The following COBL variants were observed in gnomAD, a reference collection of about 807,000 sequenced individuals.
The protein encoded by COBL is protein cordon-bleu.
A neutral mutation model predicts 98.8 loss-of-function variants in COBL; 51 were observed. The observed-to-expected ratio is 0.52, with a 90% CI of 0.41 to 0.65. COBL has a LOEUF of 0.65. COBL is among the 30% of genes least tolerant of loss of function. COBL has a pLI of 0.00. For missense variants in COBL, 1,617 were observed against 1,617.5 expected, an observed-to-expected ratio of 1.00 and a Z score of 0.01; for synonymous variants, 634 against 651.7, an observed-to-expected ratio of 0.97 and a Z score of 0.41.
chr7:51,163,868 G>C (rs921876033), intron 5 of COBL, among the ~76,000 whole-genome samples: 26 of 152,152 alleles, frequency 1.7e-4, no homozygotes, highest in African/African-American at 6.0e-4. Context: ...TCTAAAACTA[G>C]GATTTCTGTG....
At chr7:51,301,091 C>T (rs748536513) in intron 1 of COBL, among the ~76,000 whole-genome samples, 1 of 152,110 alleles carries the variant, frequency 6.6e-6, no homozygotes, top group Non-Finnish European at 1.5e-5. Context: ...GGAGTGAGTG[C>T]GGTGGGATAC....
intron 6 of COBL, among the ~76,000 whole-genome samples, chr7:51,133,229 T>G (rs1156895830): frequency 6.6e-6 from 1 of 152,156 alleles, no homozygotes; most frequent in African/African-American, 2.4e-5. Flanking sequence ...CAGATGAGGG[T>G]TCCCTGGGTC....
At chr7:51,020,198 G>A (rs1270060285) in intron 12 of COBL, among the ~76,000 whole-genome samples, 1 of 152,192 alleles carries the variant, frequency 6.6e-6, no homozygotes, top group African/African-American at 2.4e-5. Context: ...TATGATGTCT[G>A]TGCCCCATTT....
chr7:51,054,094 T>C (rs1035816445), intron 7 of COBL, among the ~76,000 whole-genome samples: 4 of 152,112 alleles, frequency 2.6e-5, no homozygotes, highest in African/African-American at 9.7e-5. Flanking sequence ...GGCAGAAGAA[T>C]TGCTTGAACC....
chr7:51,103,934 C>T (rs558861779), intron 6 of COBL, among the ~76,000 whole-genome samples: 1 of 152,362 alleles, frequency 6.6e-6, no homozygotes, highest in South Asian at 2.1e-4. Flanking sequence ...TCAACCCAGG[C>T]CTTGGCGGCC....
intron 12 of COBL, among the ~76,000 whole-genome samples, chr7:51,024,697 G>C (rs1787337828): frequency 6.7e-6 from 1 of 149,694 alleles, no homozygotes; most frequent in South Asian, 2.2e-4. Flanking sequence ...GAATGAATAA[G>C]ACTGGCGGCT....
At chr7:51,107,698 G>T (rs1057508580) in intron 6 of COBL, among the ~76,000 whole-genome samples, 2 of 151,998 alleles carry the variant, frequency 1.3e-5, no homozygotes, top group Admixed American at 1.3e-4. Context: ...TCACCTCTCC[G>T]TACCCGGGCT....
chr7:51,030,729 T>C (rs2128874320), intron 9 of COBL, 83 bp downstream of exon 9: 1 of 892,862 alleles, frequency 1.1e-6, no homozygotes, highest in Middle Eastern at 2.3e-4. Flanking sequence ...CATAGATACA[T>C]CAAAGTATGC....
intron 7 of COBL, chr7:51,064,466 A>G (rs940366524): frequency 6.6e-6 from 1 of 152,178 alleles, no homozygotes; most frequent in Non-Finnish European, 1.5e-5. Context: ...TCCACTGACA[A>G]TGGATGGATA....
intron 1 of COBL, among the ~76,000 whole-genome samples, chr7:51,252,129 G>A (rs1163568479): frequency 6.6e-6 from 1 of 151,742 alleles, no homozygotes; most frequent in South Asian, 2.1e-4. Context: ...TTCATTATTA[G>A]ATCTCTTTAG....
intron 1 of COBL, among the ~76,000 whole-genome samples, chr7:51,299,366 A>T (rs1801708761): frequency 6.6e-6 from 1 of 152,258 alleles, no homozygotes; most frequent in East Asian, 1.9e-4. Context: ...AGAACAGAAA[A>T]GAAGGTAAAT....
At chr7:51,026,687 A>G (rs1250015755) in intron 10 of COBL, 22 bp from the exon 11 acceptor site, 3 of 1,607,134 alleles carry the variant, frequency 1.9e-6, no homozygotes, top group South Asian at 1.1e-5. Flanking sequence ...ACAGTGTCAC[A>G]CATTTCACTG....
intron 5 of COBL, among the ~76,000 whole-genome samples, chr7:51,150,769 C>T (rs1327596406): frequency 1.3e-5 from 2 of 152,152 alleles, no homozygotes; most frequent in East Asian, 3.9e-4. Flanking sequence ...CCACAGGCTG[C>T]ACAACTCAAA....
intron 12 of COBL, among the ~76,000 whole-genome samples, chr7:51,018,885 C>T (rs1786570352): frequency 4.7e-5 from 2 of 42,898 alleles, no homozygotes; most frequent in Non-Finnish European, 1.0e-4. Context: ...GAGAGAAACT[C>T]CATCTCAAAA....
chr7:51,208,144 C>T (rs569129273), intron 2 of COBL, among the ~76,000 whole-genome samples: 26 of 150,472 alleles, frequency 1.7e-4, no homozygotes, highest in Admixed American at 1.4e-3. Context: ...AGGTGAGGAG[C>T]GTCTCTGCCT....
At chr7:51,061,465 G>C (rs1791353392) in intron 7 of COBL, among the ~76,000 whole-genome samples, 1 of 152,132 alleles carries the variant, frequency 6.6e-6, no homozygotes, top group Non-Finnish European at 1.5e-5. Flanking sequence ...CAGGACAGCA[G>C]TGTCATGCCA....
intron 2 of COBL, among the ~76,000 whole-genome samples, chr7:51,211,858 T>C (rs1792467089): frequency 6.6e-6 from 1 of 151,922 alleles, no homozygotes; most frequent in East Asian, 1.9e-4. Flanking sequence ...TCAAGAAAAA[T>C]CTCATCTCTC....
At chr7:51,103,224 T>C (rs1317315241) in intron 6 of COBL, among the ~76,000 whole-genome samples, 1 of 152,194 alleles carries the variant, frequency 6.6e-6, no homozygotes, top group Non-Finnish European at 1.5e-5. Flanking sequence ...GTGTTCTGAA[T>C]ACTTTAAAAA....
At chr7:51,101,566 C>A (rs1795807848) in intron 6 of COBL, among the ~76,000 whole-genome samples, 1 of 152,184 alleles carries the variant, frequency 6.6e-6, no homozygotes, top group Non-Finnish European at 1.5e-5. Context: ...GCCTTCCCAG[C>A]CTCAGGCTGA....
Sources: gnomAD v4.1 joint callset for allele counts (sites outside exome capture counted in the v4.1 genomes callset) on GRCh38, gnomAD v4.1.1 for gene constraint, MANE v1.5 for transcripts, NCBI Gene and HGNC (gene_info 2026-07-23, HGNC 2026-07-21) for gene names.